RAB3C: variants seen among roughly 807,000 people sequenced by gnomAD.
The protein encoded by RAB3C is ras-related protein Rab-3C.
RAB3C carries 17 observed loss-of-function variants against 26.4 expected under a neutral mutation model. The observed-to-expected ratio is 0.64, with a 90% CI of 0.44 to 0.97. The LOEUF (loss-of-function observed/expected upper bound fraction) is 0.97. Ranked by LOEUF, RAB3C falls within the 50% of genes least tolerant of loss-of-function variation. RAB3C has a pLI of 0.00. For missense variants in RAB3C, 242 were observed against 281.9 expected (o/e 0.86, Z 1.01); for synonymous variants, 91 against 95.9 (o/e 0.95, Z 0.30).
intron 1 of RAB3C, among the ~76,000 whole-genome samples, chr5:58,615,973 T>TACACACACACAC: frequency 9.7e-6 from 1 of 103,366 alleles, no homozygotes; most frequent in East Asian, 3.5e-4. Context: ...AACATACGTG[T>TACACACACACAC]ACACACACAC....
At chr5:58,655,166 A>C (rs17280356) in intron 2 of RAB3C, among the ~76,000 whole-genome samples, 15,968 of 152,152 alleles carry the variant, frequency 0.1, 970 homozygotes, top group Middle Eastern at 0.21. Flanking sequence ...AACCATCTAC[A>C]ACTTAAGTTC....
At chr5:58,809,422 T>C (rs1424508577) in intron 3 of RAB3C, among the ~76,000 whole-genome samples, 1 of 149,964 alleles carries the variant, frequency 6.7e-6, no homozygotes, top group Non-Finnish European at 1.5e-5. Context: ...GAGGCACAAA[T>C]TGAAAAATGT....
rs532637807 is a variant in RAB3C at position 58,709,963 on chromosome 5, G to C, written c.253-16039G>C. On this transcript the variant is annotated intron_variant, in intron 2 of 4. Coordinates refer to ENST00000282878, the MANE Select transcript of RAB3C (RefSeq NM_138453.4). Reference sequence around the variant, plus strand: ...GGTAACTTTGTGCCTTGTAAAGTTTGATATTGTATAATCTCATACAGAAAT... The same window carrying C: ...GGTAACTTTGTGCCTTGTAAAGTTTCATATTGTATAATCTCATACAGAAAT... Among the ~76,000 whole-genome samples, 6 of 152,298 alleles carry C rather than the reference G, an allele frequency of 3.9e-5. No homozygotes were observed. The South Asian group carries it at 1.2e-3, about 32-fold the overall frequency.
intron 2 of RAB3C, among the ~76,000 whole-genome samples, chr5:58,695,501 A>T (rs1748678574): frequency 2.0e-5 from 3 of 152,116 alleles, no homozygotes; most frequent in Admixed American, 2.0e-4. Context: ...TGAGTCTATA[A>T]ATTACTTTGG....
At chr5:58,590,576 T>C (rs1212777903) in intron 1 of RAB3C, among the ~76,000 whole-genome samples, 3 of 152,258 alleles carry the variant, frequency 2.0e-5, no homozygotes, top group East Asian at 3.9e-4. Flanking sequence ...AGAGTCTCAC[T>C]CTGTTGCCCA....
At chr5:58,604,687 G>C (rs1746523313) in intron 1 of RAB3C, among the ~76,000 whole-genome samples, 1 of 152,206 alleles carries the variant, frequency 6.6e-6, no homozygotes, top group Non-Finnish European at 1.5e-5. Context: ...CTGTTTCCAG[G>C]TGGAGGGCAA....
At chr5:58,808,540 G>A (rs959393584) in intron 3 of RAB3C, among the ~76,000 whole-genome samples, 2 of 152,158 alleles carry the variant, frequency 1.3e-5, no homozygotes, top group Non-Finnish European at 2.9e-5. Context: ...TCTTATGCAG[G>A]CAGGTAGCTA....
intron 4 of RAB3C, among the ~76,000 whole-genome samples, 174 bp from the exon 5 acceptor site, chr5:58,850,990 G>C (rs1744101569): frequency 6.6e-6 from 1 of 152,126 alleles, no homozygotes; most frequent in Non-Finnish European, 1.5e-5. Context: ...AGTAAGAGAT[G>C]GTAGCATTTG....
chr5:58,627,980 ACC>A (rs1387543029), intron 2 of RAB3C, among the ~76,000 whole-genome samples: 1 of 152,050 alleles, frequency 6.6e-6, no homozygotes, highest in Non-Finnish European at 1.5e-5. Flanking sequence ...ACACGGTGAA[ACC>A]CCGTCTCTAC....
At position 58,684,170 on chromosome 5, in the gene RAB3C, A is replaced by G. The variant is rs537368749; in HGVS notation, c.253-41832A>G. On this transcript the variant is annotated intron_variant, in intron 2 of 4. Coordinates refer to ENST00000282878, the MANE Select transcript of RAB3C (RefSeq NM_138453.4). ...AAACAATACCGTATAACAACTATTT[A>G]CATAGCATTTACATTGTATTAGGTA... Among the ~76,000 whole-genome samples, 3 of 152,320 alleles carry G rather than the reference A, an allele frequency of 2.0e-5. No homozygotes were observed. The South Asian group carries it at 6.2e-4, about 32-fold the overall frequency.
chr5:58,839,153 T>A (rs1579947244), intron 4 of RAB3C, among the ~76,000 whole-genome samples: 1 of 151,992 alleles, frequency 6.6e-6, no homozygotes, highest in African/African-American at 2.4e-5. Flanking sequence ...TTTTTTTTAA[T>A]CTATTCAGCC....
At chr5:58,660,970 G>A (rs1747893104) in intron 2 of RAB3C, among the ~76,000 whole-genome samples, 1 of 148,062 alleles carries the variant, frequency 6.8e-6, no homozygotes. Context: ...AATTAGGTGG[G>A]AACTAACAGC....
chr5:58,851,338 A>C lies in RAB3C; in HGVS notation c.671A>C (p.Asn224Thr). Residue 224 changes from asparagine (N) to threonine (T), a missense_variant, in exon 5 of 5, where the codon AAC becomes ACC. By Grantham distance (65) the Asn-to-Thr change is moderately conservative. Coordinates refer to ENST00000282878, the MANE Select transcript of RAB3C (RefSeq NM_138453.4). Reference sequence around the variant, plus strand: ...GAAACTCCTCCTCCACCGCAGCCCAACTGTGCCTGCTAGTGTCCCCGTGCA... The same window carrying C: ...GAAACTCCTCCTCCACCGCAGCCCACCTGTGCCTGCTAGTGTCCCCGTGCA... Reference protein sequence around the residue: ...LKETPPPPQPNCAC With the variant: ...LKETPPPPQPTCAC The C allele has an allele frequency of 6.2e-7, 1 of 1,604,122 alleles. No individual in the cohort carries two copies. Among genetic ancestry groups the C allele is most frequent in the Non-Finnish European group, 8.5e-7 (1 of 1,176,252 alleles).
At chr5:58,632,882 A>G (rs1454345876) in intron 2 of RAB3C, among the ~76,000 whole-genome samples, 2 of 152,006 alleles carry the variant, frequency 1.3e-5, no homozygotes, top group East Asian at 1.9e-4. Context: ...CTTTCCTCCT[A>G]TTCACTACAT....
chr5:58,752,737 G>A (rs1252938859), intron 3 of RAB3C, among the ~76,000 whole-genome samples: 3 of 152,040 alleles, frequency 2.0e-5, no homozygotes, highest in Non-Finnish European at 4.4e-5. Context: ...CCTTTACTTT[G>A]CTCAATTTTA....
intron 2 of RAB3C, among the ~76,000 whole-genome samples, chr5:58,630,785 C>T (rs557602001): frequency 6.6e-6 from 1 of 152,180 alleles, no homozygotes; most frequent in Non-Finnish European, 1.5e-5. Context: ...CTGCTCTAGA[C>T]CATAGAAGGC....
intron 3 of RAB3C, among the ~76,000 whole-genome samples, chr5:58,774,384 C>T (rs1007291329): frequency 2.2e-4 from 33 of 152,252 alleles, no homozygotes; most frequent in African/African-American, 7.9e-4. Context: ...TTCTGTACCT[C>T]TCTTTCCATC....
intron 3 of RAB3C, among the ~76,000 whole-genome samples, chr5:58,791,766 A>C (rs1561131358): frequency 6.6e-6 from 1 of 152,228 alleles, no homozygotes; most frequent in Admixed American, 6.5e-5. Context: ...ATATCTTTTA[A>C]AGTGAGAGCC....
Position 58,693,345 on chromosome 5 carries a change from T to TATATATATATAC in RAB3C, c.253-32646_253-32645insCATATATATATA, listed in dbSNP as rs1472207276. 1.2e-4 allele frequency among the ~76,000 whole-genome samples: 17 copies of TATATATATATAC among 140,154 alleles called. 2 individuals carry two copies. The highest frequency in any genetic ancestry group is 4.8e-4 in the African/African-American group (17 of 35,218). 91.9% of individuals were successfully genotyped at this position (140,154 alleles called of 152,430 possible). A position where few individuals can be genotyped will look rare whatever the true frequency, so the allele number is the denominator to read the frequency against. ...AATTATATATATATGTGTATATATATATATATATATATATATAAAATTTCT... is the reference window on the plus strand; with the variant it reads ...AATTATATATATATGTGTATATATATATATATATATACATATATATATATATATAAAATTTCT... On this transcript the variant is annotated intron_variant, in intron 2 of 4. Coordinates refer to ENST00000282878, the MANE Select transcript of RAB3C (RefSeq NM_138453.4).
Sources: gnomAD v4.1 joint callset for allele counts (sites outside exome capture counted in the v4.1 genomes callset) on GRCh38, gnomAD v4.1.1 for gene constraint, MANE v1.5 for transcripts, NCBI Gene and HGNC (gene_info 2026-07-23, HGNC 2026-07-21) for gene names.